The following ITFG1 variants were observed in gnomAD, a reference collection of about 807,000 sequenced individuals.
ITFG1 encodes the protein integrin alpha FG-GAP repeat containing 1.
A neutral mutation model predicts 81.8 loss-of-function variants in ITFG1; 34 were observed. That is an observed-to-expected ratio of 0.42 (90% CI 0.32 to 0.55). The LOEUF is 0.55. Ranked by LOEUF, ITFG1 falls within the 20% of genes least tolerant of loss-of-function variation. The pLI, the probability that ITFG1 is intolerant of heterozygous loss-of-function variation, is 0.17. For missense variants in ITFG1, 672 were observed against 755.4 expected, an observed-to-expected ratio of 0.89 and a Z score of 1.29; for synonymous variants, 285 against 270.6, an observed-to-expected ratio of 1.05 and a Z score of -0.52.
At chr16:47,173,262 C>A (rs1241031010) in intron 14 of ITFG1, among the ~76,000 whole-genome samples, 1 of 152,152 alleles carries the variant, frequency 6.6e-6, no homozygotes, top group Non-Finnish European at 1.5e-5. Flanking sequence ...CTGCCTAACA[C>A]TAGATAGTAT....
At chr16:47,365,274 T>A (rs1401034785) in intron 8 of ITFG1, among the ~76,000 whole-genome samples, 1 of 152,194 alleles carries the variant, frequency 6.6e-6, no homozygotes, top group Non-Finnish European at 1.5e-5. Context: ...AAGAGCCACA[T>A]ATGCTTTGGA....
At chr16:47,179,811 T>C (rs1965081526) in intron 14 of ITFG1, among the ~76,000 whole-genome samples, 1 of 152,200 alleles carries the variant, frequency 6.6e-6, no homozygotes. Context: ...GGCTCCATGC[T>C]CAAATGCTGA....
intron 14 of ITFG1, among the ~76,000 whole-genome samples, chr16:47,195,672 T>C (rs1311847488): frequency 6.6e-6 from 1 of 152,222 alleles, no homozygotes; most frequent in Non-Finnish European, 1.5e-5. Context: ...TCTTAATCAA[T>C]TTCCTCAGTT....
rs368896981 is a variant in ITFG1 at position 47,211,203 on chromosome 16, G to T, written c.1453+7665C>A. On this transcript the variant is annotated intron_variant, in intron 14 of 17. Coordinates refer to ENST00000320640, the MANE Select transcript of ITFG1 (RefSeq NM_030790.5). ...TTTAGACGACTGATTTCTCTCACTG[G>T]CATTGCGTAGTTTTCAACATATAAG... is the stretch of plus-strand genomic sequence containing the variant. 5.4e-4 allele frequency among the ~76,000 whole-genome samples: 82 copies of T among 152,158 alleles called. 2 individuals are homozygous for T. In the South Asian group the frequency reaches 0.017, roughly 32 times the overall value.
At chr16:47,249,685 T>C (rs1966045059) in intron 12 of ITFG1, among the ~76,000 whole-genome samples, 1 of 152,210 alleles carries the variant, frequency 6.6e-6, no homozygotes, top group Non-Finnish European at 1.5e-5. Flanking sequence ...ATGTGCAATT[T>C]GTAAGTTTCT....
chr16:47,436,303 C>T (rs932054510), intron 5 of ITFG1, among the ~76,000 whole-genome samples: 1 of 151,942 alleles, frequency 6.6e-6, no homozygotes, highest in African/African-American at 2.4e-5. Flanking sequence ...AAATTAAAAA[C>T]AAATCAGCTA....
chr16:47,223,510 A>G (rs1308286406), intron 13 of ITFG1, among the ~76,000 whole-genome samples: 18 of 152,348 alleles, frequency 1.2e-4, no homozygotes, highest in East Asian at 3.9e-4. Flanking sequence ...CAAAACCACA[A>G]TGAGATACCA....
chr16:47,188,309 T>C (rs1442794028), intron 14 of ITFG1, among the ~76,000 whole-genome samples: 3 of 152,082 alleles, frequency 2.0e-5, no homozygotes, highest in South Asian at 2.1e-4. Flanking sequence ...AAGACACATG[T>C]GCACGTATGT....
rs186716571 is a variant in ITFG1 at position 47,154,471 on chromosome 16, T to C, written c.*1248A>G. 6.6e-6 allele frequency: 1 copy of C among 152,286 alleles called. No homozygotes were observed. Among genetic ancestry groups the C allele is most frequent in the East Asian group, 1.9e-4 (1 of 5,194 alleles). 9.4% of individuals were successfully genotyped at this position (152,286 alleles called of 1,614,324 possible). On this transcript the variant is annotated 3_prime_UTR_variant, in exon 18 of 18. Coordinates refer to ENST00000320640, the MANE Select transcript of ITFG1 (RefSeq NM_030790.5). ...AAAACACATGCCAATCTCAGTGAAC[T>C]ATAAAGAAAAAAATAAGAACAAAAT...
rs563730783 is a variant in ITFG1, at chr16:47,418,074, C to A, written c.655+10730G>T. 5.3e-5 allele frequency among the ~76,000 whole-genome samples: 8 copies of A among 152,090 alleles called. No individual in the cohort carries two copies. The South Asian group carries it at 1.7e-3, about 32-fold the overall frequency. Reference sequence around the variant, plus strand: ...TTTTTTTGATCTTTTTGATGACAGCCATTTGAATAACAATGAGATATTTCA... The same window carrying A: ...TTTTTTTGATCTTTTTGATGACAGCAATTTGAATAACAATGAGATATTTCA... On this transcript the variant is annotated intron_variant, in intron 6 of 17. Coordinates refer to ENST00000320640, the MANE Select transcript of ITFG1 (RefSeq NM_030790.5).
chr16:47,234,267 A>G (rs1965847785), intron 13 of ITFG1, among the ~76,000 whole-genome samples: 1 of 152,220 alleles, frequency 6.6e-6, no homozygotes, highest in Non-Finnish European at 1.5e-5. Context: ...AGCAGACAAC[A>G]TACAAGAAGA....
At chr16:47,420,598 G>C (rs1189280569) in intron 6 of ITFG1, among the ~76,000 whole-genome samples, 1 of 152,156 alleles carries the variant, frequency 6.6e-6, no homozygotes, top group Non-Finnish European at 1.5e-5. Context: ...TAATGATTGA[G>C]TTCTGTATTA....
At chr16:47,337,557 G>A (rs1967723331) in intron 8 of ITFG1, among the ~76,000 whole-genome samples, 1 of 152,182 alleles carries the variant, frequency 6.6e-6, no homozygotes, top group African/African-American at 2.4e-5. Context: ...GTGACAGAGT[G>A]AGACTCTGTC....
At position 47,377,492 on chromosome 16, in the gene ITFG1, C is replaced by T. The variant is rs143121951; in HGVS notation, c.656-1552G>A. On this transcript the variant is annotated intron_variant, in intron 6 of 17. Transcript: ENST00000320640. ...GCCTCAATTCTGTGTTACTCCCTCACAAGAAGATTGTTTTCAGACAGAGCA... is the reference window on the plus strand; with the variant it reads ...GCCTCAATTCTGTGTTACTCCCTCATAAGAAGATTGTTTTCAGACAGAGCA... Among the ~76,000 whole-genome samples the T allele has an allele frequency of 4.1e-4, 62 of 152,248 alleles. 1 individual carries two copies. The East Asian group carries it at 0.011, about 26-fold the overall frequency.
chr16:47,221,252 C>T lies in ITFG1; in HGVS notation c.1375-2306G>A, dbSNP rs1200724205. 4.6e-5 allele frequency among the ~76,000 whole-genome samples: 7 copies of T among 152,082 alleles called. No homozygotes were observed. The East Asian group carries it at 5.8e-4, about 13-fold the overall frequency. ...ATCACTGTAAAGTTTCTTGAAAATA[C>T]GTCCCATCAATACCTAATTTATTGA... On this transcript the variant is annotated intron_variant, in intron 13 of 17. Transcript: ENST00000320640.
chr16:47,429,999 T>C (rs1969073196), intron 5 of ITFG1, among the ~76,000 whole-genome samples: 1 of 151,652 alleles, frequency 6.6e-6, no homozygotes, highest in Admixed American at 6.6e-5. Flanking sequence ...ATCTGGGCAT[T>C]AGGCCTTTAT....
rs1188300691 is a variant in ITFG1 at position 47,269,413 on chromosome 16, C to T, written c.1071-8718G>A. ...ATGTAATCCTAGCACTTTGGGGAGG[C>T]CATGACAGGAGGATTGCTTGAGCCC... is the stretch of plus-strand genomic sequence containing the variant. On this transcript the variant is annotated intron_variant, in intron 10 of 17. Coordinates refer to ENST00000320640, the MANE Select transcript of ITFG1 (RefSeq NM_030790.5). Among the ~76,000 whole-genome samples the T allele has an allele frequency of 4.7e-5, 7 of 150,104 alleles. No homozygotes were observed. In the East Asian group the frequency reaches 1.4e-3, roughly 29 times the overall value.
At position 47,386,744 on chromosome 16, in the gene ITFG1, C is replaced by T. The variant is rs568178330; in HGVS notation, c.656-10804G>A. On this transcript the variant is annotated intron_variant, in intron 6 of 17. Coordinates refer to ENST00000320640, the MANE Select transcript of ITFG1 (RefSeq NM_030790.5). Reference sequence around the variant, plus strand: ...TGTGTCACTGTCCTCACTCTCACCTCTGGAGCCATGCTCAGGGATTCTGCC... The same window carrying T: ...TGTGTCACTGTCCTCACTCTCACCTTTGGAGCCATGCTCAGGGATTCTGCC... Among the ~76,000 whole-genome samples the T allele has an allele frequency of 3.3e-5, 5 of 152,330 alleles. No homozygotes were observed. The South Asian group carries it at 1.0e-3, about 32-fold the overall frequency.
chr16:47,293,150 C>G (rs1215324590), intron 10 of ITFG1, among the ~76,000 whole-genome samples: 1 of 144,678 alleles, frequency 6.9e-6, no homozygotes, highest in East Asian at 2.0e-4. Context: ...ATATCATATA[C>G]AAGCATGATA....
Sources: gnomAD v4.1 joint callset for allele counts (sites outside exome capture counted in the v4.1 genomes callset) on GRCh38, gnomAD v4.1.1 for gene constraint, MANE v1.5 for transcripts, NCBI Gene and HGNC (gene_info 2026-07-23, HGNC 2026-07-21) for gene names.